NDUFAF2: variants seen among roughly 807,000 people sequenced by gnomAD.
The protein encoded by NDUFAF2 is NADH:ubiquinone oxidoreductase complex assembly factor 2, also known as NADH dehydrogenase [ubiquinone] 1 alpha subcomplex assembly factor 2.
A neutral mutation model predicts 22.8 loss-of-function variants in NDUFAF2; 13 were observed. The ratio of observed to expected loss-of-function variants is 0.57; its 90% confidence interval spans 0.37 to 0.91. The LOEUF is 0.91. NDUFAF2 is among the 40% of genes least tolerant of loss of function. NDUFAF2 has a pLI of 0.01. For missense variants in NDUFAF2, 162 were observed against 195.2 expected, an observed-to-expected ratio of 0.83 and a Z score of 1.01; for synonymous variants, 53 against 64.2, an observed-to-expected ratio of 0.83 and a Z score of 0.84.
At position 61,089,334 on chromosome 5, in the gene NDUFAF2, C is replaced by T. The variant is rs1165779485; in HGVS notation, c.218-9658C>T. Among the ~76,000 whole-genome samples, 3 of 152,154 alleles carry T rather than the reference C, an allele frequency of 2.0e-5. No homozygotes were observed. The East Asian group carries it at 5.8e-4, about 29-fold the overall frequency. On this transcript the variant is annotated intron_variant, in intron 2 of 3. Transcript: ENST00000296597. ...ATAATGAGGACTGATACAGATTTCA[C>T]CACATAAATATCACTAGCAGTGGCA... is the stretch of plus-strand genomic sequence containing the variant.
chr5:61,022,658 G>A (rs1038051016), intron 1 of NDUFAF2, among the ~76,000 whole-genome samples: 4 of 151,924 alleles, frequency 2.6e-5, no homozygotes, highest in East Asian at 1.9e-4. Flanking sequence ...TTGTTTGTTC[G>A]TTTTGAGACG....
At chr5:61,122,604 G>C (rs759644996) in intron 3 of NDUFAF2, among the ~76,000 whole-genome samples, 1 of 152,032 alleles carries the variant, frequency 6.6e-6, no homozygotes. Context: ...CTATGTTTTT[G>C]TCTCCCCATT....
Position 60,945,317 on chromosome 5 carries a change from A to G in NDUFAF2, c.62A>G (p.Glu21Gly), listed in dbSNP as rs755078834. The change falls in exon 1 of 4, where the codon GAG becomes GGG. Residue 21 changes from glutamate (E) to glycine (G), a missense_variant. Transcript: ENST00000296597. ...LWRSLSREVKEHVGTDQFGNK... is the reference protein window; with the variant it reads ...LWRSLSREVKGHVGTDQFGNK... ...AGATCGCTGTCAAGGGAAGTGAAGG[A>G]GCACGTGGGCACGGACCAATTCGGG... 336 of 1,613,982 alleles carry G rather than the reference A, an allele frequency of 2.1e-4. No homozygotes were observed. Among genetic ancestry groups the G allele is most frequent in the Non-Finnish European group, 2.8e-4 (328 of 1,180,010 alleles).
intron 1 of NDUFAF2, among the ~76,000 whole-genome samples, chr5:61,040,207 C>A (rs191326334): frequency 2.0e-5 from 3 of 148,642 alleles, no homozygotes; most frequent in African/African-American, 7.4e-5. Flanking sequence ...AGATTATGGT[C>A]GACTCTAAAT....
intron 3 of NDUFAF2, among the ~76,000 whole-genome samples, chr5:61,107,291 C>T (rs1470099133): frequency 6.6e-6 from 1 of 151,086 alleles, no homozygotes; most frequent in Non-Finnish European, 1.5e-5. Flanking sequence ...ACTGGGGTGA[C>T]GTGATATCTC....
chr5:61,128,168 A>G (rs1226044823), intron 3 of NDUFAF2, among the ~76,000 whole-genome samples: 2 of 152,212 alleles, frequency 1.3e-5, no homozygotes, highest in African/African-American at 4.8e-5. Context: ...AAATGGAAGA[A>G]CATTCCATGC....
At chr5:60,964,774 C>T (rs1033394103) in intron 1 of NDUFAF2, among the ~76,000 whole-genome samples, 2 of 152,058 alleles carry the variant, frequency 1.3e-5, no homozygotes, top group Non-Finnish European at 2.9e-5. Context: ...TTACCATTAC[C>T]ATGTTGTACA....
intron 1 of NDUFAF2, among the ~76,000 whole-genome samples, chr5:61,025,390 G>T (rs1054643634): frequency 6.6e-6 from 1 of 152,036 alleles, no homozygotes; most frequent in Non-Finnish European, 1.5e-5. Flanking sequence ...ATTAATAAAA[G>T]ATGTTTATAA....
At chr5:61,035,792 ATATT>A (rs1016091040) in intron 1 of NDUFAF2, among the ~76,000 whole-genome samples, 3 of 152,114 alleles carry the variant, frequency 2.0e-5, no homozygotes, top group Admixed American at 6.5e-5. Context: ...AATTATTAAG[ATATT>A]TATTTTCATT....
chr5:61,044,149 T>G (rs1162601603), intron 1 of NDUFAF2, among the ~76,000 whole-genome samples: 4 of 152,172 alleles, frequency 2.6e-5, no homozygotes, highest in Admixed American at 2.6e-4. Flanking sequence ...GTTTATAAGT[T>G]TCCTTTTAAC....
intron 3 of NDUFAF2, among the ~76,000 whole-genome samples, chr5:61,105,843 T>A (rs972260228): frequency 2.0e-5 from 3 of 151,332 alleles, no homozygotes; most frequent in Non-Finnish European, 4.4e-5. Context: ...AAACCATCAA[T>A]AAAGTTTTGG....
chr5:61,079,716 T>A (rs1230764644), intron 2 of NDUFAF2, among the ~76,000 whole-genome samples: 1 of 152,344 alleles, frequency 6.6e-6, no homozygotes, highest in African/African-American at 2.4e-5. Context: ...TTGCAGAACT[T>A]CTTTCCTTGA....
chr5:61,040,265 C>CACACACACAT (rs1170088750), intron 1 of NDUFAF2, among the ~76,000 whole-genome samples: 2 of 116,774 alleles, frequency 1.7e-5, no homozygotes, highest in East Asian at 4.5e-4. Context: ...CACACACACA[C>CACACACACAT]ACACACACAC....
chr5:60,973,557 A>G (rs2112574426), intron 1 of NDUFAF2, among the ~76,000 whole-genome samples: 1 of 152,318 alleles, frequency 6.6e-6, no homozygotes, highest in East Asian at 1.9e-4. Flanking sequence ...AATCTACCAG[A>G]AAGTGAGCTT....
intron 3 of NDUFAF2, among the ~76,000 whole-genome samples, chr5:61,134,762 G>A (rs1740886896): frequency 6.6e-6 from 1 of 151,972 alleles, no homozygotes; most frequent in Non-Finnish European, 1.5e-5. Flanking sequence ...AAATAAACGT[G>A]TTTATCAAGT....
chr5:60,955,056 A>G (rs545029865), intron 1 of NDUFAF2, among the ~76,000 whole-genome samples: 1 of 152,206 alleles, frequency 6.6e-6, no homozygotes, highest in East Asian at 1.9e-4. Flanking sequence ...TGCTTTGCAG[A>G]AGTATTTTGG....
intron 1 of NDUFAF2, among the ~76,000 whole-genome samples, chr5:60,964,759 G>A (rs970170875): frequency 5.9e-5 from 9 of 151,960 alleles, no homozygotes; most frequent in African/African-American, 1.9e-4. Flanking sequence ...GCCACATAAC[G>A]TTGATTACCA....
intron 2 of NDUFAF2, among the ~76,000 whole-genome samples, chr5:61,076,745 ATAGACT>A (rs1752376007): frequency 6.6e-6 from 1 of 152,314 alleles, no homozygotes; most frequent in Middle Eastern, 3.4e-3. Context: ...TGCATTGCAA[ATAGACT>A]TAGGGGAACA....
intron 3 of NDUFAF2, among the ~76,000 whole-genome samples, chr5:61,104,388 T>C (rs958672370): frequency 1.3e-5 from 2 of 152,106 alleles, no homozygotes; most frequent in Non-Finnish European, 2.9e-5. Flanking sequence ...TTATATGGTT[T>C]ATTATAGGTT....
Sources: allele counts gnomAD v4.1 joint callset (sites outside exome capture counted in the v4.1 genomes callset), GRCh38; gene constraint gnomAD v4.1.1; transcripts MANE v1.5; gene names NCBI Gene and HGNC (gene_info 2026-07-23, HGNC 2026-07-21).